The following PIK3R6 variants were observed in gnomAD, a reference collection of about 807,000 sequenced individuals.
The protein encoded by PIK3R6 is phosphoinositide-3-kinase regulatory subunit 6, also known as phosphoinositide 3-kinase regulatory subunit 6.
Under a neutral mutation model 84.9 loss-of-function variants are expected in PIK3R6, and 91 were observed. The ratio of observed to expected loss-of-function variants is 1.07; its 90% confidence interval spans 0.90 to 1.28. PIK3R6 has a LOEUF of 1.28. PIK3R6 is among the 50% of genes most tolerant of loss of function. The pLI is 0.00. For synonymous variants in PIK3R6, 416 were observed against 411.4 expected (o/e 1.01, Z -0.13); for missense variants, 996 against 985.1 (o/e 1.01, Z -0.15).
Position 8,828,928 on chromosome 17 carries a change from C to T in PIK3R6, c.952G>A (p.Val318Ile). 6.5e-7 allele frequency: 1 copy of T among 1,527,974 alleles called. No homozygotes were observed. Among genetic ancestry groups the T allele is most frequent in the Non-Finnish European group, 8.8e-7 (1 of 1,138,544 alleles). The allele number at this position is 1,527,974 out of a possible 1,614,324, so 94.7% of individuals were successfully genotyped here. Reference protein sequence around the residue: ...SQLRLSADLEVLDLQGLRPDR... With the variant: ...SQLRLSADLEILDLQGLRPDR... Reference sequence around the variant, plus strand: ...GGCCGGAGGCCCTGCAGATCCAAGACCTCCAAGTCAGCACTGAGGCGCAGC... The same window carrying T: ...GGCCGGAGGCCCTGCAGATCCAAGATCTCCAAGTCAGCACTGAGGCGCAGC... Residue 318 changes from valine (V) to isoleucine (I), a missense_variant, in exon 11 of 20, where the codon GTC becomes ATC. Coordinates refer to ENST00000619866, the MANE Select transcript of PIK3R6 (RefSeq NM_001010855.4).
chr17:8,817,640 C>T (rs752693682), intron 18 of PIK3R6, among the ~76,000 whole-genome samples: 1 of 149,536 alleles, frequency 6.7e-6, no homozygotes, highest in East Asian at 1.9e-4. Flanking sequence ...GACTCCGTCT[C>T]GAAAAAAAAC....
chr17:8,832,291 T>C (rs939556385), intron 9 of PIK3R6, among the ~76,000 whole-genome samples: 4 of 151,996 alleles, frequency 2.6e-5, no homozygotes, highest in Non-Finnish European at 5.9e-5. Context: ...TATTTAAATA[T>C]ATGTAAGGTG....
chr17:8,854,179 C>T (rs1597437504), intron 1 of PIK3R6, among the ~76,000 whole-genome samples: 2 of 151,940 alleles, frequency 1.3e-5, no homozygotes, highest in East Asian at 3.9e-4. Flanking sequence ...GAAACGGAGT[C>T]TTGCTCTGTC....
intron 18 of PIK3R6, among the ~76,000 whole-genome samples, chr17:8,816,753 G>A (rs2087555617): frequency 6.6e-6 from 1 of 152,154 alleles, no homozygotes; most frequent in South Asian, 2.1e-4. Flanking sequence ...TTGTGAAGAT[G>A]AAAAAATCAA....
chr17:8,821,806 C>G, intron 17 of PIK3R6, 40 bp downstream of exon 17: 2 of 1,541,670 alleles, frequency 1.3e-6, no homozygotes, highest in Non-Finnish European at 1.8e-6. Context: ...CCCTTCTCAT[C>G]TCTTCTCTCT....
Position 8,823,481 on chromosome 17 carries a change from G to C in PIK3R6, c.1532C>G (p.Thr511Arg). 3 of 1,611,458 alleles carry C rather than the reference G, an allele frequency of 1.9e-6. No homozygotes were observed. Among genetic ancestry groups the C allele is most frequent in the Non-Finnish European group, 2.5e-6 (3 of 1,177,856 alleles). ...KLAEMPPSLDTSRTVDPFILD... is the reference protein window; with the variant it reads ...KLAEMPPSLDRSRTVDPFILD... ...GATGAAGGGGTCCACAGTCCGGGAT[G>C]TGTCCAGGGAAGGAGGCTGTGATGG... The change falls in exon 14 of 20, where the codon ACA becomes AGA. Residue 511 changes from threonine to arginine, a missense_variant. Thr to Arg is a moderately conservative substitution (Grantham distance 71). Transcript: ENST00000619866.
In PIK3R6 at chr17:8,814,215, CTTTTTTTT is replaced by C. The variant is rs112750429; in HGVS notation, c.1995+4860_1995+4867del. Among the ~76,000 whole-genome samples the C allele has an allele frequency of 1.3e-4, 11 of 85,542 alleles. 1 individual carries two copies. The highest frequency in any genetic ancestry group is 8.7e-4 in the East Asian group (2 of 2,312). The allele number at this position is 85,542 out of a possible 152,430, so 56.1% of individuals were successfully genotyped here. Reference sequence around the variant, plus strand: ...TCCACTCTTTAGTTCAGAGAGAGATCTTTTTTTTTTTTTTTTTTTTTTGAGACAGAGTC... The same window carrying C: ...TCCACTCTTTAGTTCAGAGAGAGATCTTTTTTTTTTTTTTGAGACAGAGTC... On this transcript the variant is annotated intron_variant, in intron 18 of 19. Coordinates refer to ENST00000619866, the MANE Select transcript of PIK3R6 (RefSeq NM_001010855.4).
intron 16 of PIK3R6, 116 bp from the exon 17 acceptor site, chr17:8,822,052 C>CTTTTTT: frequency 4.9e-6 from 2 of 412,208 alleles, no homozygotes; most frequent in Non-Finnish European, 8.4e-6. Context: ...CTGTGAGAGT[C>CTTTTTT]TTTTTTTTTT....
intron 12 of PIK3R6, among the ~76,000 whole-genome samples, chr17:8,827,656 C>T (rs1169321933): frequency 6.6e-6 from 1 of 151,012 alleles, no homozygotes; most frequent in African/African-American, 2.4e-5. Flanking sequence ...GATCAATGGA[C>T]TTCACTGCCT....
chr17:8,862,022 T>G lies in PIK3R6; in HGVS notation c.-92+5507A>C, dbSNP rs2089297959. On this transcript the variant is annotated intron_variant, in intron 1 of 19. Coordinates refer to ENST00000619866, the MANE Select transcript of PIK3R6 (RefSeq NM_001010855.4). The surrounding 1 kb of genome is among the most constrained non-coding windows in gnomAD (Gnocchi z 4.3). Reference sequence around the variant, plus strand: ...AGTTATGGCCACAGTGTATGATAAGTGCTTCATTAAGATAGAAAGGGCATT... The same window carrying G: ...AGTTATGGCCACAGTGTATGATAAGGGCTTCATTAAGATAGAAAGGGCATT... 6.6e-6 allele frequency among the ~76,000 whole-genome samples: 1 copy of G among 152,210 alleles called. No individual in the cohort carries two copies. Among genetic ancestry groups the G allele is most frequent in the South Asian group, 2.1e-4 (1 of 4,834 alleles).
At chr17:8,865,379 C>T (rs2089383369) in intron 1 of PIK3R6, among the ~76,000 whole-genome samples, 1 of 152,192 alleles carries the variant, frequency 6.6e-6, no homozygotes, top group African/African-American at 2.4e-5. Context: ...GCTTCCAGGC[C>T]TCCCTATACC....
intron 13 of PIK3R6, 83 bp from the exon 14 acceptor site, chr17:8,823,580 A>T (rs2087817137): frequency 1.1e-6 from 1 of 931,948 alleles, no homozygotes; most frequent in South Asian, 1.4e-5. Flanking sequence ...AGAAACTTCA[A>T]GCCCCTACAT....
In PIK3R6 at chr17:8,803,511, T is replaced by C; in HGVS notation, c.2109-82A>G. On this transcript the variant is annotated intron_variant, in intron 19 of 19. Coordinates refer to ENST00000619866, the MANE Select transcript of PIK3R6 (RefSeq NM_001010855.4). The surrounding 1 kb of genome is among the most constrained non-coding windows in gnomAD (Gnocchi z 5.0). ...GGCATTTGAAAGGCAGAGCTGTTAT[T>C]GTAGGGCCTAGAGCTGTTATTGTAG... 2 of 1,375,598 alleles carry C rather than the reference T, an allele frequency of 1.5e-6. No homozygotes were observed. The highest frequency in any genetic ancestry group is 2.8e-5 in the South Asian group (2 of 72,036). The allele number at this position is 1,375,598 out of a possible 1,614,324, so 85.2% of individuals were successfully genotyped here. A position where few individuals can be genotyped will look rare whatever the true frequency, so the allele number is the denominator to read the frequency against.
At position 8,864,749 on chromosome 17, in the gene PIK3R6, G is replaced by A. The variant is rs186947461; in HGVS notation, c.-92+2780C>T. 2.4e-4 allele frequency among the ~76,000 whole-genome samples: 37 copies of A among 152,024 alleles called. No homozygotes were observed. In the East Asian group the frequency reaches 6.8e-3, roughly 28 times the overall value. On this transcript the variant is annotated intron_variant, in intron 1 of 19. Coordinates refer to ENST00000619866, the MANE Select transcript of PIK3R6 (RefSeq NM_001010855.4). ...AGACGGGGTTTCACCGTGTTGGCCAGGATGGTCTCGATCTCTTGACCTCGT... is the reference window on the plus strand; with the variant it reads ...AGACGGGGTTTCACCGTGTTGGCCAAGATGGTCTCGATCTCTTGACCTCGT...
chr17:8,821,431 G>A (rs1487784851), intron 17 of PIK3R6, among the ~76,000 whole-genome samples: 2 of 146,762 alleles, frequency 1.4e-5, no homozygotes, highest in East Asian at 4.0e-4. Context: ...TATTCCAGGA[G>A]ACCAGGGAGC....
At chr17:8,845,707 G>A (rs1315042532) in intron 2 of PIK3R6, among the ~76,000 whole-genome samples, 2 of 152,116 alleles carry the variant, frequency 1.3e-5, no homozygotes, top group Non-Finnish European at 2.9e-5. Flanking sequence ...AGCACTTTGG[G>A]AGGCAGAGGG....
chr17:8,860,548 T>G (rs1420783780), intron 1 of PIK3R6, among the ~76,000 whole-genome samples: 1 of 146,190 alleles, frequency 6.8e-6, no homozygotes, highest in South Asian at 2.1e-4. Context: ...GTCAAAAAGG[T>G]TGGGGACCAC....
intron 1 of PIK3R6, among the ~76,000 whole-genome samples, chr17:8,853,031 C>A (rs9894746): frequency 0.051 from 7,620 of 150,046 alleles, 638 homozygotes; most frequent in African/African-American, 0.18. Context: ...CAATAGAGTA[C>A]AACCAGAAAA....
At chr17:8,860,807 T>C (rs932755058) in intron 1 of PIK3R6, among the ~76,000 whole-genome samples, 1 of 151,892 alleles carries the variant, frequency 6.6e-6, no homozygotes, top group African/African-American at 2.4e-5. Context: ...CCCTATTGAG[T>C]TCACAATGGG....
Sources: allele counts gnomAD v4.1 joint callset (sites outside exome capture counted in the v4.1 genomes callset), GRCh38; gene constraint gnomAD v4.1.1; non-coding constraint Gnocchi (gnomAD v3.1); transcripts MANE v1.5; gene names NCBI Gene and HGNC (gene_info 2026-07-23, HGNC 2026-07-21).